BBS9: variants seen among roughly 807,000 people sequenced by gnomAD.
BBS9 encodes Bardet-Biedl syndrome 9, also known as protein PTHB1.
BBS9 carries 89 observed loss-of-function variants against 117.7 expected under a neutral mutation model. The ratio of observed to expected loss-of-function variants is 0.76; its 90% CI spans 0.64 to 0.90. The LOEUF (loss-of-function observed/expected upper bound fraction) is 0.90, where lower values mean the gene tolerates loss of function less well. Among genes scored for constraint, BBS9 ranks in the 40% least tolerant of loss-of-function variants. BBS9 has a pLI of 0.00. For missense variants in BBS9, 982 were observed against 1,042.2 expected (o/e 0.94, Z 0.80); for synonymous variants, 379 against 370.9 (o/e 1.02, Z -0.25).
intron 19 of BBS9, among the ~76,000 whole-genome samples, chr7:33,444,335 A>G (rs1836663209): frequency 6.6e-6 from 1 of 152,210 alleles, no homozygotes; most frequent in South Asian, 2.1e-4. Context: ...GAAAAAAGTT[A>G]TTTGGAAGTA....
intron 6 of BBS9, among the ~76,000 whole-genome samples, chr7:33,259,321 G>A (rs916474955): frequency 1.3e-5 from 2 of 152,096 alleles, no homozygotes; most frequent in Non-Finnish European, 2.9e-5. Flanking sequence ...GAAGGCTAGG[G>A]ATCTCAAACT....
At chr7:33,234,944 T>C (rs906539459) in intron 5 of BBS9, among the ~76,000 whole-genome samples, 1 of 147,676 alleles carries the variant, frequency 6.8e-6, no homozygotes, top group Admixed American at 6.8e-5. Context: ...GGTTTTATAA[T>C]ATAATCATTT....
chr7:33,310,043 C>G (rs1199209883), intron 9 of BBS9, among the ~76,000 whole-genome samples: 2 of 152,188 alleles, frequency 1.3e-5, no homozygotes, highest in African/African-American at 4.8e-5. Flanking sequence ...TCTGCAAGAC[C>G]TGTACTTTCC....
intron 9 of BBS9, among the ~76,000 whole-genome samples, chr7:33,333,440 T>G (rs1046087807): frequency 6.6e-6 from 1 of 152,190 alleles, no homozygotes; most frequent in Non-Finnish European, 1.5e-5. Flanking sequence ...ATTTTCTTTA[T>G]CCACTCATTG....
At chr7:33,179,177 A>G (rs543879990) in intron 5 of BBS9, among the ~76,000 whole-genome samples, 17 of 152,354 alleles carry the variant, frequency 1.1e-4, no homozygotes, top group African/African-American at 3.8e-4. Flanking sequence ...AAATTACTAA[A>G]TTCCATACAT....
At chr7:33,527,239 A>G (rs1849697674) in intron 20 of BBS9, among the ~76,000 whole-genome samples, 1 of 152,192 alleles carries the variant, frequency 6.6e-6, no homozygotes, top group Non-Finnish European at 1.5e-5. Context: ...GAGCCTACAG[A>G]AGCAGGCAGG....
chr7:33,615,284 G>A (rs1865074190), intron 21 of BBS9, among the ~76,000 whole-genome samples: 1 of 152,074 alleles, frequency 6.6e-6, no homozygotes, highest in Non-Finnish European at 1.5e-5. Context: ...GATATGGCAT[G>A]ATTGTTAGAA....
intron 19 of BBS9, among the ~76,000 whole-genome samples, chr7:33,476,073 T>G (rs1196898658): frequency 6.6e-6 from 1 of 152,190 alleles, no homozygotes; most frequent in African/African-American, 2.4e-5. Context: ...TTTTAGAATG[T>G]TTTTCATGCA....
At chr7:33,152,874 G>T in intron 3 of BBS9, 23 bp downstream of exon 3, 1 of 1,612,624 alleles carries the variant, frequency 6.2e-7, no homozygotes, top group Non-Finnish European at 8.5e-7. Context: ...ACTAATTCTG[G>T]TATTTTACTT....
intron 20 of BBS9, among the ~76,000 whole-genome samples, chr7:33,515,125 A>G (rs1410020577): frequency 2.0e-5 from 3 of 152,208 alleles, no homozygotes; most frequent in Non-Finnish European, 4.4e-5. Flanking sequence ...TCAGGAAAAA[A>G]AAACCAGACA....
intron 5 of BBS9, among the ~76,000 whole-genome samples, chr7:33,187,703 G>A (rs969525217): frequency 2.6e-5 from 4 of 152,034 alleles, no homozygotes; most frequent in Non-Finnish European, 5.9e-5. Flanking sequence ...GCGGAGACTT[G>A]AGGTCAGGAG....
At chr7:33,405,217 C>G (rs919318475) in intron 19 of BBS9, among the ~76,000 whole-genome samples, 2 of 152,150 alleles carry the variant, frequency 1.3e-5, no homozygotes, top group African/African-American at 4.8e-5. Flanking sequence ...GGTGGATAAG[C>G]TTTTTGATGT....
rs930000123 is a variant in BBS9, at chr7:33,395,058, C to G, written c.2115+6914C>G. On this transcript the variant is annotated intron_variant, in intron 19 of 22. Transcript: ENST00000242067. ...AGATTTTCTTTAGCAAAATTATGGTCAGGGTAAAGAAAAAGGAAATGTGTG... is the reference window on the plus strand; with the variant it reads ...AGATTTTCTTTAGCAAAATTATGGTGAGGGTAAAGAAAAAGGAAATGTGTG... 3.3e-5 allele frequency among the ~76,000 whole-genome samples: 5 copies of G among 152,072 alleles called. No individual in the cohort carries two copies. In the East Asian group the frequency reaches 9.6e-4, roughly 29 times the overall value.
intron 5 of BBS9, among the ~76,000 whole-genome samples, chr7:33,256,057 G>C (rs888490309): frequency 6.6e-6 from 1 of 152,170 alleles, no homozygotes; most frequent in Admixed American, 6.5e-5. Context: ...GGAGGCTGAG[G>C]TGGGAGAATC....
chr7:33,484,881 A>C (rs1013798003), intron 19 of BBS9, among the ~76,000 whole-genome samples: 1 of 152,226 alleles, frequency 6.6e-6, no homozygotes, highest in African/African-American at 2.4e-5. Context: ...CAGCAAAGAC[A>C]TGGAATCAGC....
intron 21 of BBS9, among the ~76,000 whole-genome samples, chr7:33,563,082 A>G (rs1279067936): frequency 6.6e-6 from 1 of 152,188 alleles, no homozygotes; most frequent in Non-Finnish European, 1.5e-5. Flanking sequence ...TTATATTGCT[A>G]AAGCCTACAG....
Position 33,524,515 on chromosome 7 carries a change from A to C in BBS9, c.2299-9439A>C, listed in dbSNP as rs531845256. ...GTCGAGGAATTTATCCATTTCTTCT[A>C]GATTTTCTAGTTTATTTGCGTAGAG... On this transcript the variant is annotated intron_variant, in intron 20 of 22. Coordinates refer to ENST00000242067, the MANE Select transcript of BBS9 (RefSeq NM_198428.3). 6.6e-5 allele frequency among the ~76,000 whole-genome samples: 10 copies of C among 152,286 alleles called. No individual in the cohort carries two copies. The East Asian group carries it at 1.9e-3, about 29-fold the overall frequency.
At chr7:33,299,556 T>G (rs1287164634) in intron 9 of BBS9, among the ~76,000 whole-genome samples, 2 of 149,072 alleles carry the variant, frequency 1.3e-5, no homozygotes, top group African/African-American at 2.4e-5. Context: ...AATTTAATAA[T>G]AATCAATATT....
chr7:33,499,900 T>C (rs1585036356), intron 19 of BBS9, among the ~76,000 whole-genome samples: 1 of 152,196 alleles, frequency 6.6e-6, no homozygotes, highest in East Asian at 1.9e-4. Context: ...CTCAGACCAC[T>C]GAAAATGTTG....
Sources: allele counts gnomAD v4.1 joint callset (sites outside exome capture counted in the v4.1 genomes callset), GRCh38; gene constraint gnomAD v4.1.1; transcripts MANE v1.5; gene names NCBI Gene and HGNC (gene_info 2026-07-23, HGNC 2026-07-21).